The following CD99 variants were observed in gnomAD, a reference collection of about 807,000 sequenced individuals.
CD99 encodes the protein CD99 molecule (Xg blood group), also known as CD99 antigen.
A neutral mutation model predicts 28.4 loss-of-function variants in CD99; 19 were observed. The ratio of observed to expected loss-of-function variants is 0.67; its 90% CI spans 0.47 to 0.98. CD99 has a LOEUF of 0.98. Ranked by LOEUF, CD99 falls within the 50% of genes least tolerant of loss-of-function variation. The pLI is 0.00. For synonymous variants in CD99, 103 were observed against 92.1 expected (o/e 1.12, Z -0.67); for missense variants, 283 against 248.8 (o/e 1.14, Z -0.92).
intron 1 of CD99, among the ~76,000 whole-genome samples, chrX:2,712,292 A>G (rs1239638846): frequency 6.6e-6 from 1 of 152,150 alleles, no homozygotes; most frequent in African/African-American, 2.4e-5. Flanking sequence ...GGAAGGGATA[A>G]GTTCAGGGGT....
At chrX:2,711,255 A>G (rs1442301858) in intron 1 of CD99, among the ~76,000 whole-genome samples, 2 of 147,846 alleles carry the variant, frequency 1.4e-5, no homozygotes, top group African/African-American at 4.9e-5. Flanking sequence ...GTGTATATAT[A>G]TATTTGTATA....
chrX:2,720,303 A>G, intron 4 of CD99, 53 bp from the exon 5 acceptor site: 1 of 1,534,960 alleles, frequency 6.5e-7, no homozygotes, highest in Non-Finnish European at 9.0e-7. Flanking sequence ...CTGATGTTTC[A>G]TTTTCTTTAC....
chrX:2,703,605 AGTGTGT>A (rs556444956), intron 1 of CD99, among the ~76,000 whole-genome samples: 10,364 of 138,390 alleles, frequency 0.075, 422 homozygotes, highest in Non-Finnish European at 0.1. Context: ...CGAGCTGTTA[AGTGTGT>A]GTGTGTGTGT....
intron 1 of CD99, among the ~76,000 whole-genome samples, chrX:2,709,555 A>T (rs2048289374): frequency 6.6e-6 from 1 of 152,254 alleles, no homozygotes. Context: ...ACATATATGC[A>T]TGCACATGTG....
In CD99 at chrX:2,739,920, T is replaced by TAAAA. The variant is rs760923352; in HGVS notation, c.533-840_533-837dup. On this transcript the variant is annotated intron_variant, in intron 9 of 9. Coordinates refer to ENST00000381192, the MANE Select transcript of CD99 (RefSeq NM_002414.5). ...GAGAAACCACGTCTCTACTAAAAAT[T>TAAAA]AAAAAAAAAAAAAAAAAAAAAATTA... 9.8e-3 allele frequency among the ~76,000 whole-genome samples: 1,083 copies of TAAAA among 110,090 alleles called. 16 individuals are homozygous for TAAAA. The highest frequency in any genetic ancestry group is 0.033 in the African/African-American group (969 of 29,732). The allele number at this position is 110,090 out of a possible 152,430, so 72.2% of individuals were successfully genotyped here. A position where few individuals can be genotyped will look rare whatever the true frequency, so the allele number is the denominator to read the frequency against.
chrX:2,730,015 G>T (rs181806570), intron 8 of CD99, among the ~76,000 whole-genome samples: 54 of 152,198 alleles, frequency 3.5e-4, no homozygotes, highest in African/African-American at 1.3e-3. Context: ...TTAGCTGGGC[G>T]TGCTTGCGCC....
chrX:2,699,631 A>G (rs1351408324), intron 1 of CD99, among the ~76,000 whole-genome samples: 1 of 151,712 alleles, frequency 6.6e-6, no homozygotes. Context: ...CAAATTTTTC[A>G]TTTTTTGTAG....
intron 8 of CD99, among the ~76,000 whole-genome samples, chrX:2,732,329 G>T (rs932016208): frequency 6.6e-6 from 1 of 152,112 alleles, no homozygotes; most frequent in African/African-American, 2.4e-5. Context: ...GGGTGTTCAG[G>T]ATGCTGTCCT....
chrX:2,721,664 C>A (rs1351195594), intron 5 of CD99, among the ~76,000 whole-genome samples: 4 of 152,082 alleles, frequency 2.6e-5, no homozygotes, highest in African/African-American at 9.7e-5. Context: ...TGCATTGTAA[C>A]ATTACTTTTT....
intron 1 of CD99, among the ~76,000 whole-genome samples, chrX:2,706,323 G>A (rs944149629): frequency 3.7e-4 from 57 of 152,096 alleles, no homozygotes; most frequent in African/African-American, 1.3e-3. Context: ...TCGGGCCACC[G>A]CACTCCAGCC....
chrX:2,714,588 C>A (rs974803877), intron 2 of CD99, 134 bp downstream of exon 2: 2 of 703,846 alleles, frequency 2.8e-6, no homozygotes, highest in African/African-American at 3.5e-5. Flanking sequence ...TTTTGGCTTC[C>A]CAGTACATAT....
At chrX:2,711,215 G>T (rs947605751) in intron 1 of CD99, among the ~76,000 whole-genome samples, 1 of 145,870 alleles carries the variant, frequency 6.9e-6, no homozygotes, top group African/African-American at 2.5e-5. Context: ...AGCAAGTCAG[G>T]GCAAGTCTAT....
chrX:2,701,657 A>T (rs2047870160), intron 1 of CD99, among the ~76,000 whole-genome samples: 1 of 152,218 alleles, frequency 6.6e-6, no homozygotes, highest in African/African-American at 2.4e-5. Context: ...AGACTAGAGG[A>T]GCTGCAGGGG....
At chrX:2,730,698 A>G (rs2049553458) in intron 8 of CD99, among the ~76,000 whole-genome samples, 1 of 152,062 alleles carries the variant, frequency 6.6e-6, no homozygotes, top group African/African-American at 2.4e-5. Context: ...CACAAAGCAA[A>G]GGGCCAAAAA....
intron 7 of CD99, among the ~76,000 whole-genome samples, chrX:2,725,067 CA>C (rs1021379378): frequency 2.0e-4 from 24 of 120,226 alleles, no homozygotes; most frequent in East Asian, 4.8e-4. Context: ...GTCTCCCCGC[CA>C]AAAAAAAAAG....
At chrX:2,705,045 A>G in intron 1 of CD99, among the ~76,000 whole-genome samples, 1 of 152,350 alleles carries the variant, frequency 6.6e-6, no homozygotes, top group Non-Finnish European at 1.5e-5. Context: ...CTAAGAAGAC[A>G]GAGAGACGAG....
rs1270521838 is a variant in CD99, at chrX:2,691,402, G to A, written c.42G>A (p.Leu14=). The A allele has an allele frequency of 6.3e-7, 1 of 1,585,196 alleles. No homozygotes were observed. Among genetic ancestry groups the A allele is most frequent in the Non-Finnish European group, 8.5e-7 (1 of 1,174,764 alleles). The change falls in exon 1 of 10, where the codon CTG becomes CTA. Residue 14 remains leucine, a synonymous_variant. Coordinates refer to ENST00000381192, the MANE Select transcript of CD99 (RefSeq NM_002414.5). ...GAALALLLFG[L]LGVLVAAPDG... is the part of the protein sequence containing the mutation. ...CGCTGGCGCTGCTGCTCTTCGGCCT[G>A]CTGGGTGTTCTGGTCGCCGCCCCGG...
intron 3 of CD99, among the ~76,000 whole-genome samples, chrX:2,718,489 C>T (rs1396117857): frequency 6.6e-6 from 1 of 152,080 alleles, no homozygotes; most frequent in African/African-American, 2.4e-5. Context: ...CTGCCTCAGC[C>T]TCCCAAGTAG....
intron 1 of CD99, among the ~76,000 whole-genome samples, chrX:2,709,707 C>CACACATGCATGTACATAG (rs1375163677): frequency 6.6e-6 from 1 of 152,202 alleles, no homozygotes; most frequent in Non-Finnish European, 1.5e-5. Flanking sequence ...AACATAGACA[C>CACACATGCATGTACATAG]ACACATGCAT....
Sources: gnomAD v4.1 joint callset for allele counts (sites outside exome capture counted in the v4.1 genomes callset) on GRCh38, gnomAD v4.1.1 for gene constraint, MANE v1.5 for transcripts, NCBI Gene and HGNC (gene_info 2026-07-23, HGNC 2026-07-21) for gene names.